PEAK1: variants seen among roughly 807,000 people sequenced by gnomAD.
PEAK1 encodes the protein pseudopodium enriched atypical kinase 1.
PEAK1 carries 54 observed loss-of-function variants against 124.7 expected under a neutral mutation model. The observed-to-expected ratio is 0.43, with a 90% CI of 0.35 to 0.54. PEAK1 has a LOEUF of 0.54. Among genes scored for constraint, PEAK1 ranks in the 20% least tolerant of loss-of-function variants. The probability of loss-of-function intolerance (pLI) is 0.01; values close to 1 mark genes in which losing one functional copy is unlikely to be tolerated. For synonymous variants in PEAK1, 719 were observed against 760.0 expected, an observed-to-expected ratio of 0.95 and a Z score of 0.89; for missense variants, 2,046 against 2,134.5, an observed-to-expected ratio of 0.96 and a Z score of 0.82.
At chr15:77,232,642 G>A (rs1350330028) in intron 6 of PEAK1, among the ~76,000 whole-genome samples, 1 of 152,148 alleles carries the variant, frequency 6.6e-6, no homozygotes, top group East Asian at 1.9e-4. Flanking sequence ...CCTTTACAAT[G>A]GAAGAAGTGT....
chr15:77,322,774 T>G (rs1378906673), intron 2 of PEAK1, among the ~76,000 whole-genome samples: 1 of 152,194 alleles, frequency 6.6e-6, no homozygotes, highest in African/African-American at 2.4e-5. Flanking sequence ...CCCTAACTCA[T>G]TTTATGAGGC....
At chr15:77,269,105 T>TG (rs2061890984) in intron 5 of PEAK1, among the ~76,000 whole-genome samples, 1 of 134,866 alleles carries the variant, frequency 7.4e-6, no homozygotes, top group South Asian at 2.3e-4. Context: ...AACAACACAA[T>TG]GAAAAAAAAA....
intron 6 of PEAK1, among the ~76,000 whole-genome samples, chr15:77,197,895 G>C (rs1038345220): frequency 4.6e-5 from 7 of 151,820 alleles, no homozygotes; most frequent in African/African-American, 1.7e-4. Flanking sequence ...GTGACAATTT[G>C]ATAAAACTCG....
chr15:77,238,981 C>A (rs550661742), intron 6 of PEAK1, among the ~76,000 whole-genome samples: 69 of 152,228 alleles, frequency 4.5e-4, no homozygotes, highest in Middle Eastern at 3.4e-3. Flanking sequence ...TTATCAAGGG[C>A]TCTCCATGGT....
chr15:77,271,257 C>T lies in PEAK1; in HGVS notation c.-275+12626G>A, dbSNP rs190467522. On this transcript the variant is annotated intron_variant, in intron 5 of 9. Coordinates refer to ENST00000682557, the MANE Select transcript of PEAK1 (RefSeq NM_001385026.1). The stretch of plus-strand genomic sequence containing the variant: ...TACCATCTCACAGCAGTTAGAATGG[C>T]GATCATTAAAAAGTCAGGAAACAAC... Among the ~76,000 whole-genome samples, 737 of 152,100 alleles carry T rather than the reference C, an allele frequency of 4.8e-3. 7 individuals carry two copies. Among genetic ancestry groups the T allele is most frequent in the Non-Finnish European group, 7.1e-3 (482 of 67,988 alleles).
intron 2 of PEAK1, among the ~76,000 whole-genome samples, chr15:77,321,954 T>C (rs922944808): frequency 3.3e-5 from 5 of 152,104 alleles, no homozygotes; most frequent in Admixed American, 3.3e-4. Context: ...GCAATCAAAC[T>C]AGAACTCAGG....
At chr15:77,200,522 C>T (rs945800408) in intron 6 of PEAK1, among the ~76,000 whole-genome samples, 7 of 152,136 alleles carry the variant, frequency 4.6e-5, no homozygotes, top group African/African-American at 1.7e-4. Flanking sequence ...TACATTTTTA[C>T]AAGATGCCCA....
At chr15:77,317,256 CAT>C (rs932147759) in intron 2 of PEAK1, among the ~76,000 whole-genome samples, 1 of 151,960 alleles carries the variant, frequency 6.6e-6, no homozygotes, top group Non-Finnish European at 1.5e-5. Context: ...AAATATCTGT[CAT>C]GTTTCAATTT....
rs769451288 is a variant in PEAK1 at position 77,180,596 on chromosome 15, G to C, written c.1331C>G (p.Ala444Gly). 22 of 1,614,112 alleles carry C rather than the reference G, an allele frequency of 1.4e-5. No individual in the cohort carries two copies. Among genetic ancestry groups the C allele is most frequent in the Non-Finnish European group, 1.9e-5 (22 of 1,180,008 alleles). ...KEESKASTDV[A>G]GQAVTINLVP... ...AAGGTTTATGGTTACTGCTTGCCCAGCAACATCTGTAGAGGCTTTACTTTC... is the reference window on the plus strand; with the variant it reads ...AAGGTTTATGGTTACTGCTTGCCCACCAACATCTGTAGAGGCTTTACTTTC... Residue 444 changes from alanine (A) to glycine (G), a missense_variant, in exon 7 of 10, where the codon GCT becomes GGT. Coordinates refer to ENST00000682557, the MANE Select transcript of PEAK1 (RefSeq NM_001385026.1).
chr15:77,171,037 A>G (rs2056466114), intron 7 of PEAK1, among the ~76,000 whole-genome samples: 2 of 152,188 alleles, frequency 1.3e-5, no homozygotes, highest in Admixed American at 6.5e-5. Flanking sequence ...CTTGAACTAA[A>G]ATTTGACCCA....
Position 77,133,890 on chromosome 15 carries a change from A to G in PEAK1, c.3332-140T>C. On this transcript the variant is annotated intron_variant, in intron 8 of 9. Transcript: ENST00000682557. This position sits in a 1 kb window ranked among gnomAD's most constrained non-coding sequence, Gnocchi z 4.2. ...TCAACTCTTTAGTTCAAAATGGGAA[A>G]AGAGAACAACCAAAGAACAAATACC... 1 of 987,074 alleles carries G rather than the reference A, an allele frequency of 1.0e-6. No individual in the cohort carries two copies. The highest frequency in any genetic ancestry group is 1.4e-6 in the Non-Finnish European group (1 of 703,022). 61.1% of individuals were successfully genotyped at this position (987,074 alleles called of 1,614,324 possible). A position where few individuals can be genotyped will look rare whatever the true frequency, so the allele number is the denominator to read the frequency against.
chr15:77,311,002 C>T (rs2064404220), intron 2 of PEAK1, among the ~76,000 whole-genome samples: 2 of 152,216 alleles, frequency 1.3e-5, no homozygotes, highest in Admixed American at 1.3e-4. Flanking sequence ...AACCAGAGAA[C>T]ATTTTTTAAA....
At position 77,334,717 on chromosome 15, in the gene PEAK1, T is replaced by C. The variant is rs1288034598; in HGVS notation, c.-603+30446A>G. On this transcript the variant is annotated intron_variant, in intron 2 of 9. Coordinates refer to ENST00000682557, the MANE Select transcript of PEAK1 (RefSeq NM_001385026.1). ...CAATGTGTGTGCTACATCTCTCTCT[T>C]TCTGATATTCTTGCTGTTTGTACAA... 4.1e-6 allele frequency: 4 copies of C among 985,128 alleles called. No homozygotes were observed. In the African/African-American group the frequency reaches 5.2e-5, roughly 13 times the overall value. 61.0% of individuals were successfully genotyped at this position (985,128 alleles called of 1,614,324 possible).
At chr15:77,412,582 A>C (rs944242312) in intron 1 of PEAK1, among the ~76,000 whole-genome samples, 3 of 152,346 alleles carry the variant, frequency 2.0e-5, no homozygotes, top group Admixed American at 2.0e-4. Flanking sequence ...AGAAATACAG[A>C]TTTTTACATA....
chr15:77,404,619 ACT>A (rs2071652912), intron 1 of PEAK1: 5 of 928,978 alleles, frequency 5.4e-6, no homozygotes, highest in Admixed American at 6.2e-5. Flanking sequence ...ATTGGACAGC[ACT>A]GCTTTAAGAT....
At chr15:77,366,669 C>T (rs1394626133) in intron 1 of PEAK1, among the ~76,000 whole-genome samples, 1 of 152,122 alleles carries the variant, frequency 6.6e-6, no homozygotes, top group East Asian at 1.9e-4. Flanking sequence ...GATCCTTCTA[C>T]CTCAGCATCC....
intron 1 of PEAK1, among the ~76,000 whole-genome samples, chr15:77,414,366 T>G: frequency 6.6e-6 from 1 of 151,430 alleles, no homozygotes; most frequent in East Asian, 1.9e-4. Flanking sequence ...TGCACCACCA[T>G]GCCTAGCTAA....
At chr15:77,170,315 A>C (rs2056420042) in intron 7 of PEAK1, among the ~76,000 whole-genome samples, 2 of 152,180 alleles carry the variant, frequency 1.3e-5, no homozygotes, top group Non-Finnish European at 2.9e-5. Context: ...AAAAGAGAGG[A>C]CCAATTTTAA....
At chr15:77,256,577 A>G (rs992039939) in intron 5 of PEAK1, among the ~76,000 whole-genome samples, 1 of 152,134 alleles carries the variant, frequency 6.6e-6, no homozygotes, top group African/African-American at 2.4e-5. Context: ...AATAGTTTTT[A>G]CATTTTTAAA....
Sources: gnomAD v4.1 joint callset for allele counts (sites outside exome capture counted in the v4.1 genomes callset) on GRCh38, gnomAD v4.1.1 for gene constraint, Gnocchi (gnomAD v3.1) non-coding constraint, MANE v1.5 for transcripts, NCBI Gene and HGNC (gene_info 2026-07-23, HGNC 2026-07-21) for gene names.